The following LRIG1 variants were observed in gnomAD, a reference collection of about 807,000 sequenced individuals.
LRIG1 encodes leucine-rich repeats and immunoglobulin-like domains protein 1.
Under a neutral mutation model 99.2 loss-of-function variants are expected in LRIG1, and 48 were observed. The ratio of observed to expected loss-of-function variants is 0.48; its 90% CI spans 0.38 to 0.62. LRIG1 has a LOEUF of 0.62. Among genes scored for constraint, LRIG1 ranks in the 20% least tolerant of loss-of-function variants. The pLI is 0.00. For synonymous variants in LRIG1, 772 were observed against 596.1 expected, an observed-to-expected ratio of 1.29 and a Z score of -4.30; for missense variants, 1,646 against 1,434.4, an observed-to-expected ratio of 1.15 and a Z score of -2.38.
intron 6 of LRIG1, among the ~76,000 whole-genome samples, chr3:66,412,407 TCCTGGCAGAATGG>T (rs1280962881): frequency 3.3e-5 from 5 of 152,082 alleles, no homozygotes; most frequent in Non-Finnish European, 7.4e-5. Flanking sequence ...TGGAAAGCAG[TCCTGGCAGAATGG>T]CCCCCAAACT....
At chr3:66,382,448 T>C (rs1448999867) in intron 15 of LRIG1, 50 bp from the exon 16 acceptor site, 8 of 1,609,714 alleles carry the variant, frequency 5.0e-6, no homozygotes, top group South Asian at 3.3e-5. Flanking sequence ...TGACAAGAAA[T>C]GCAGACACAC....
chr3:66,404,263 A>G, intron 9 of LRIG1: 2 of 1,289,322 alleles, frequency 1.6e-6, no homozygotes, highest in Non-Finnish European at 2.0e-6. Context: ...ATCGAGCTCC[A>G]CTAGGGCTTT....
At chr3:66,436,810 G>A (rs917217427) in intron 3 of LRIG1, among the ~76,000 whole-genome samples, 2 of 151,048 alleles carry the variant, frequency 1.3e-5, no homozygotes, top group Non-Finnish European at 2.9e-5. Context: ...CACCTCTCAT[G>A]CTCCCAAAAT....
intron 1 of LRIG1, among the ~76,000 whole-genome samples, chr3:66,465,357 A>ATTTTTTT (rs59148647): frequency 1.5e-5 from 1 of 67,726 alleles, no homozygotes; most frequent in African/African-American, 4.9e-5. Flanking sequence ...TCTGAGCATA[A>ATTTTTTT]TTTTTTTTTT....
At chr3:66,398,328 C>T (rs1017488114) in intron 10 of LRIG1, 145 bp from the exon 11 acceptor site, 3 of 632,100 alleles carry the variant, frequency 4.7e-6, no homozygotes, top group South Asian at 4.1e-5. Flanking sequence ...TTTCCCAAAT[C>T]GCAACACAAG....
rs1702223829 is a variant in LRIG1 at position 66,405,252 on chromosome 3, C to T, written c.1106G>A (p.Gly369Asp). ...VLDLDHNEIS[G>D]TIEDTSGAFS... Reference sequence around the variant, plus strand: ...GGCGCCGCTCGTGTCCTCTATTGTGCCCGAAATCTCGTTATGGTCCAGATC... The same window carrying T: ...GGCGCCGCTCGTGTCCTCTATTGTGTCCGAAATCTCGTTATGGTCCAGATC... Residue 369 changes from glycine to aspartate, a missense_variant, in exon 9 of 19, where the codon GGC becomes GAC. Coordinates refer to ENST00000273261, the MANE Select transcript of LRIG1 (RefSeq NM_015541.3). The T allele has an allele frequency of 6.2e-7, 1 of 1,614,178 alleles. No individual in the cohort carries two copies. Among genetic ancestry groups the T allele is most frequent in the Non-Finnish European group, 8.5e-7 (1 of 1,180,006 alleles).
chr3:66,490,795 C>T (rs994192836), intron 1 of LRIG1, among the ~76,000 whole-genome samples: 4 of 152,160 alleles, frequency 2.6e-5, no homozygotes, highest in East Asian at 3.9e-4. Flanking sequence ...TTAAGGCCAC[C>T]GAACACTCCA....
intron 3 of LRIG1, among the ~76,000 whole-genome samples, chr3:66,434,281 T>C (rs1703268958): frequency 6.6e-6 from 1 of 151,556 alleles, no homozygotes; most frequent in African/African-American, 2.4e-5. Flanking sequence ...AACCAAAAAA[T>C]CCAATTAGAA....
At chr3:66,488,043 G>A (rs1260126401) in intron 1 of LRIG1, among the ~76,000 whole-genome samples, 2 of 152,064 alleles carry the variant, frequency 1.3e-5, no homozygotes, top group African/African-American at 4.8e-5. Flanking sequence ...CGGAAGTTTC[G>A]TTTTATGAAA....
intron 3 of LRIG1, among the ~76,000 whole-genome samples, chr3:66,434,948 G>C (rs1703303717): frequency 6.6e-6 from 1 of 152,070 alleles, no homozygotes; most frequent in South Asian, 2.1e-4. Context: ...TCCCAGAGAA[G>C]TGAAAATTTA....
intron 1 of LRIG1, among the ~76,000 whole-genome samples, chr3:66,485,155 CAAAAAAA>C (rs60055293): frequency 7.9e-6 from 1 of 126,292 alleles, no homozygotes; most frequent in African/African-American, 3.2e-5. Flanking sequence ...AAGACCCTCT[CAAAAAAA>C]AAAAAAAAAG....
intron 3 of LRIG1, among the ~76,000 whole-genome samples, chr3:66,422,576 TA>T (rs1702854086): frequency 1.3e-5 from 2 of 152,210 alleles, no homozygotes; most frequent in Non-Finnish European, 2.9e-5. Flanking sequence ...TTCATGTCAC[TA>T]TCAGCATTCT....
intron 1 of LRIG1, among the ~76,000 whole-genome samples, chr3:66,492,433 T>TA (rs1218314540): frequency 2.6e-5 from 4 of 152,036 alleles, no homozygotes; most frequent in South Asian, 2.1e-4. Flanking sequence ...TCTAATCAGC[T>TA]AAAAAAAAGA....
At chr3:66,495,621 AT>A (rs1701209216) in intron 1 of LRIG1, among the ~76,000 whole-genome samples, 1 of 152,232 alleles carries the variant, frequency 6.6e-6, no homozygotes, top group Non-Finnish European at 1.5e-5. Context: ...ACAACTTTCA[AT>A]TCAATGAATC....
At chr3:66,467,679 A>G (rs1011997927) in intron 1 of LRIG1, among the ~76,000 whole-genome samples, 5 of 152,232 alleles carry the variant, frequency 3.3e-5, no homozygotes. Flanking sequence ...CTATATTTCA[A>G]GTGTTCAACA....
chr3:66,492,556 G>C (rs1701125446), intron 1 of LRIG1, among the ~76,000 whole-genome samples: 1 of 152,056 alleles, frequency 6.6e-6, no homozygotes, highest in Non-Finnish European at 1.5e-5. Context: ...GAGATCTTGA[G>C]AATGCAGATC....
At chr3:66,432,707 G>C (rs1485327793) in intron 3 of LRIG1, among the ~76,000 whole-genome samples, 1 of 152,126 alleles carries the variant, frequency 6.6e-6, no homozygotes, top group African/African-American at 2.4e-5. Context: ...TCAGGATGTG[G>C]AACTGCCTCA....
At chr3:66,401,602 T>C (rs1399013929) in intron 9 of LRIG1, 5 of 1,519,598 alleles carry the variant, frequency 3.3e-6, no homozygotes, top group Non-Finnish European at 3.5e-6. Context: ...TTAGGCAGGG[T>C]CCTTACCTTC....
chr3:66,478,998 A>C (rs2106888989), intron 1 of LRIG1, among the ~76,000 whole-genome samples: 1 of 152,278 alleles, frequency 6.6e-6, no homozygotes, highest in South Asian at 2.1e-4. Flanking sequence ...CCGGGGCCAT[A>C]GTTTTCAATT....
Sources: allele counts gnomAD v4.1 joint callset (sites outside exome capture counted in the v4.1 genomes callset), GRCh38; gene constraint gnomAD v4.1.1; transcripts MANE v1.5; gene names NCBI Gene and HGNC (gene_info 2026-07-23, HGNC 2026-07-21).